CPNE8: variants seen among roughly 807,000 people sequenced by gnomAD.
The protein encoded by CPNE8 is copine-8.
A neutral mutation model predicts 81.5 loss-of-function variants in CPNE8; 45 were observed. That is an observed-to-expected ratio of 0.55 (90% CI 0.44 to 0.71). CPNE8 has a LOEUF of 0.71. CPNE8 is among the 30% of genes least tolerant of loss of function. The probability of loss-of-function intolerance (pLI) is 0.00; values close to 1 mark genes in which losing one functional copy is unlikely to be tolerated. For synonymous variants in CPNE8, 252 were observed against 226.3 expected (o/e 1.11, Z -1.02); for missense variants, 594 against 672.1 (o/e 0.88, Z 1.28).
chr12:38,806,867 C>T (rs1246811036), intron 6 of CPNE8, among the ~76,000 whole-genome samples: 1 of 150,612 alleles, frequency 6.6e-6, no homozygotes. Flanking sequence ...TCGTCTCAGC[C>T]CAAAATCTCC....
At chr12:38,711,532 A>G (rs934479055) in intron 13 of CPNE8, among the ~76,000 whole-genome samples, 1 of 150,858 alleles carries the variant, frequency 6.6e-6, no homozygotes, top group African/African-American at 2.4e-5. Flanking sequence ...GTAGTGGCGC[A>G]ATCTCGGCTC....
chr12:38,868,568 A>T lies in CPNE8; in HGVS notation c.186+4436T>A, dbSNP rs1174380849. Among the ~76,000 whole-genome samples the T allele has an allele frequency of 2.0e-5, 3 of 152,126 alleles. No individual in the cohort carries two copies. The East Asian group carries it at 5.8e-4, about 29-fold the overall frequency. On this transcript the variant is annotated intron_variant, in intron 3 of 19. Coordinates refer to ENST00000331366, the MANE Select transcript of CPNE8 (RefSeq NM_153634.3). ...TGAAGTTCAACTTCTTTCCTGATGAATCAATGCAGCCTCTTATTCAATACT... is the reference window on the plus strand; with the variant it reads ...TGAAGTTCAACTTCTTTCCTGATGATTCAATGCAGCCTCTTATTCAATACT...
chr12:38,739,427 T>G (rs998455686), intron 10 of CPNE8, among the ~76,000 whole-genome samples: 1 of 152,190 alleles, frequency 6.6e-6, no homozygotes, highest in Admixed American at 6.6e-5. Flanking sequence ...GAGCTGCTGC[T>G]TAGATGGTAT....
chr12:38,668,758 A>G (rs1939111127), intron 19 of CPNE8, among the ~76,000 whole-genome samples: 1 of 152,228 alleles, frequency 6.6e-6, no homozygotes, highest in East Asian at 1.9e-4. Context: ...TATGAAAAAA[A>G]CACATAATGG....
chr12:38,904,810 G>A (rs1400357812), intron 1 of CPNE8, among the ~76,000 whole-genome samples: 4 of 152,014 alleles, frequency 2.6e-5, no homozygotes, highest in African/African-American at 9.7e-5. Flanking sequence ...CTCAGATGTG[G>A]GCCCGAAAAC....
chr12:38,732,408 T>C (rs1039393762), intron 10 of CPNE8, among the ~76,000 whole-genome samples: 5 of 151,920 alleles, frequency 3.3e-5, no homozygotes, highest in African/African-American at 4.8e-5. Context: ...GTTGAAGTCA[T>C]TGGGGAACTT....
At chr12:38,742,336 T>C (rs543336862) in intron 10 of CPNE8, among the ~76,000 whole-genome samples, 1 of 152,228 alleles carries the variant, frequency 6.6e-6, no homozygotes, top group East Asian at 1.9e-4. Context: ...CACCACGGAA[T>C]ACTATGCAGC....
intron 1 of CPNE8, among the ~76,000 whole-genome samples, chr12:38,894,676 TC>T: frequency 1.7e-5 from 1 of 60,432 alleles, no homozygotes; most frequent in African/African-American, 3.5e-5. Context: ...TCTCTCTCTC[TC>T]TCTCTCTCTC....
At chr12:38,764,039 A>G (rs1224225069) in intron 8 of CPNE8, among the ~76,000 whole-genome samples, 1 of 152,174 alleles carries the variant, frequency 6.6e-6, no homozygotes, top group Non-Finnish European at 1.5e-5. Flanking sequence ...CCTTCCAGGC[A>G]GTATCCTCAC....
Position 38,677,590 on chromosome 12 carries a change from G to A in CPNE8, c.1272-36C>T, listed in dbSNP as rs1565563966. Reference sequence around the variant, plus strand: ...ACGAAAAGGTAAGGAAAGTAAAACAGTTTTCTATATGTGATGGTTGGTAAA... The same window carrying A: ...ACGAAAAGGTAAGGAAAGTAAAACAATTTTCTATATGTGATGGTTGGTAAA... On this transcript the variant is annotated intron_variant, in intron 16 of 19. Transcript: ENST00000331366. 2.5e-6 allele frequency: 3 copies of A among 1,188,558 alleles called. No homozygotes were observed. In the African/African-American group the frequency reaches 4.5e-5, roughly 18 times the overall value. 73.6% of individuals were successfully genotyped at this position (1,188,558 alleles called of 1,614,324 possible). A position where few individuals can be genotyped will look rare whatever the true frequency, so the allele number is the denominator to read the frequency against.
intron 6 of CPNE8, among the ~76,000 whole-genome samples, chr12:38,803,469 A>G (rs200391815): frequency 0.1 from 15,237 of 150,372 alleles, 928 homozygotes; most frequent in East Asian, 0.31. Flanking sequence ...CCTTCATGCT[A>G]AAAACTTTCA....
In CPNE8 at chr12:38,808,813, A is replaced by C. The variant is rs561771683; in HGVS notation, c.407+20566T>G. Among the ~76,000 whole-genome samples the C allele has an allele frequency of 3.7e-3, 567 of 152,052 alleles. 6 individuals carry two copies. The highest frequency in any genetic ancestry group is 0.013 in the African/African-American group (555 of 41,550). ...AAAAATGCTTAAAAACCAGTAAGAAAATTTTGGCAAACCACCTCACAGGAA... is the reference window on the plus strand; with the variant it reads ...AAAAATGCTTAAAAACCAGTAAGAACATTTTGGCAAACCACCTCACAGGAA... On this transcript the variant is annotated intron_variant, in intron 6 of 19. Coordinates refer to ENST00000331366, the MANE Select transcript of CPNE8 (RefSeq NM_153634.3).
chr12:38,796,733 C>G (rs897089450), intron 6 of CPNE8, among the ~76,000 whole-genome samples: 10 of 152,124 alleles, frequency 6.6e-5, no homozygotes, highest in African/African-American at 2.2e-4. Flanking sequence ...CAAGCCAAAG[C>G]AGGGTGAGGA....
Position 38,668,243 on chromosome 12 carries a change from G to A in CPNE8, c.1506+2486C>T, listed in dbSNP as rs559784322. 9.2e-5 allele frequency among the ~76,000 whole-genome samples: 14 copies of A among 152,322 alleles called. No homozygotes were observed. The South Asian group carries it at 2.9e-3, about 32-fold the overall frequency. ...AGGGGCAAAGATGAAAGAATTTGGA[G>A]TCTACAGATAATGAAACAAAGATAG... is the stretch of plus-strand genomic sequence containing the variant. On this transcript the variant is annotated intron_variant, in intron 19 of 19. Transcript: ENST00000331366.
intron 8 of CPNE8, among the ~76,000 whole-genome samples, chr12:38,767,336 A>C (rs1226877884): frequency 2.0e-5 from 3 of 152,108 alleles, no homozygotes; most frequent in Non-Finnish European, 4.4e-5. Context: ...TATTTGTTTC[A>C]GCATTCAGGT....
intron 13 of CPNE8, among the ~76,000 whole-genome samples, chr12:38,723,475 T>C (rs1592039012): frequency 6.6e-6 from 1 of 152,258 alleles, no homozygotes; most frequent in Admixed American, 6.5e-5. Flanking sequence ...AAATAGTACA[T>C]GTAAAATGTC....
chr12:38,740,018 C>T (rs1357157855), intron 10 of CPNE8, among the ~76,000 whole-genome samples: 1 of 152,064 alleles, frequency 6.6e-6, no homozygotes, highest in African/African-American at 2.4e-5. Context: ...TTCAAAGGGG[C>T]ATTGTCAATG....
Position 38,905,498 on chromosome 12 carries a change from C to T in CPNE8, c.37G>A (p.Asp13Asn), listed in dbSNP as rs1944556449. ...ATGGCAGCGCTCAGCTGGTTCAAGT[C>T]CCCGATGCCCGCAGTGCTGTTGTAG... ...SRYNSTAGIG[D>N]LNQLSAAIPA... The change falls in exon 1 of 20, where the codon GAC becomes AAC. Residue 13 changes from aspartate (D) to asparagine (N), a missense_variant. Transcript: ENST00000331366. 3.2e-6 allele frequency: 5 copies of T among 1,574,444 alleles called. No homozygotes were observed. The highest frequency in any genetic ancestry group is 4.3e-6 in the Non-Finnish European group (5 of 1,159,838).
At chr12:38,678,334 A>G (rs1213785439) in intron 16 of CPNE8, among the ~76,000 whole-genome samples, 1 of 152,024 alleles carries the variant, frequency 6.6e-6, no homozygotes, top group Non-Finnish European at 1.5e-5. Context: ...TGAATATGTT[A>G]CATTTCATTA....
Sources: gnomAD v4.1 joint callset for allele counts (sites outside exome capture counted in the v4.1 genomes callset) on GRCh38, gnomAD v4.1.1 for gene constraint, MANE v1.5 for transcripts, NCBI Gene and HGNC (gene_info 2026-07-23, HGNC 2026-07-21) for gene names.